LRP12: variants seen among roughly 807,000 people sequenced by gnomAD.
LRP12 encodes LDL receptor related protein 12, also known as low-density lipoprotein receptor-related protein 12.
Under a neutral mutation model 66.0 loss-of-function variants are expected in LRP12, and 14 were observed. That is an observed-to-expected ratio of 0.21 (90% CI 0.14 to 0.33). The LOEUF is 0.33. Among genes scored for constraint, LRP12 ranks in the 10% least tolerant of loss-of-function variants. LRP12 has a pLI of 1.00. For missense variants in LRP12, 889 were observed against 1,053.4 expected, an observed-to-expected ratio of 0.84 and a Z score of 2.16; for synonymous variants, 357 against 359.1, an observed-to-expected ratio of 0.99 and a Z score of 0.07.
At chr8:104,548,528 A>ATAGAAT (rs1368533788) in intron 1 of LRP12, among the ~76,000 whole-genome samples, 1 of 113,862 alleles carries the variant, frequency 8.8e-6, no homozygotes, top group African/African-American at 3.8e-5. Flanking sequence ...TGTATCTAAT[A>ATAGAAT]TATAATTCTA....
intron 2 of LRP12, among the ~76,000 whole-genome samples, chr8:104,520,407 T>C (rs1053266776): frequency 1.3e-5 from 2 of 152,056 alleles, no homozygotes; most frequent in Non-Finnish European, 2.9e-5. Context: ...TGAAGGTTAC[T>C]GTGACTCTGG....
At position 104,548,478 on chromosome 8, in the gene LRP12, AT is replaced by A. The variant is rs549776308; in HGVS notation, c.80-16516del. 4.6e-3 allele frequency among the ~76,000 whole-genome samples: 546 copies of A among 118,050 alleles called. 32 individuals are homozygous for A. Among genetic ancestry groups the A allele is most frequent in the African/African-American group, 0.021 (513 of 24,882 alleles). The allele number at this position is 118,050 out of a possible 152,430, so 77.4% of individuals were successfully genotyped here. On this transcript the variant is annotated intron_variant, in intron 1 of 6. Coordinates refer to ENST00000276654, the MANE Select transcript of LRP12 (RefSeq NM_013437.5). ...TTTTGTATCTAATATATAATTCTAT[AT>A]TATATTTTGTATCTAATATATAATT...
chr8:104,529,971 A>G (rs1811301306), intron 2 of LRP12, among the ~76,000 whole-genome samples: 1 of 152,172 alleles, frequency 6.6e-6, no homozygotes. Flanking sequence ...TGATGTTGCA[A>G]AAGACTGAAT....
intron 1 of LRP12, among the ~76,000 whole-genome samples, chr8:104,557,017 A>C (rs554518929): frequency 1.3e-5 from 2 of 152,174 alleles, no homozygotes; most frequent in Non-Finnish European, 1.5e-5. Flanking sequence ...AAAAATCACA[A>C]TCATCTCAAT....
intron 1 of LRP12, among the ~76,000 whole-genome samples, chr8:104,567,685 A>T (rs1267368441): frequency 6.6e-6 from 1 of 152,238 alleles, no homozygotes; most frequent in Non-Finnish European, 1.5e-5. Context: ...AACAATGATA[A>T]TCTGAAAACT....
chr8:104,496,718 A>G (rs1475909954), intron 5 of LRP12, among the ~76,000 whole-genome samples: 1 of 152,218 alleles, frequency 6.6e-6, no homozygotes. Flanking sequence ...CAATATTCCT[A>G]TAAAACAGAT....
At chr8:104,576,202 A>G (rs1282268439) in intron 1 of LRP12, among the ~76,000 whole-genome samples, 4 of 152,236 alleles carry the variant, frequency 2.6e-5, no homozygotes, top group African/African-American at 7.2e-5. Flanking sequence ...ATATTTCAGG[A>G]TATCATCCAT....
At chr8:104,578,943 G>A (rs1326250315) in intron 1 of LRP12, among the ~76,000 whole-genome samples, 4 of 151,480 alleles carry the variant, frequency 2.6e-5, no homozygotes, top group East Asian at 1.9e-4. Flanking sequence ...AATAAGAGCC[G>A]TCTATGACAA....
chr8:104,527,970 G>T (rs1353902986), intron 2 of LRP12, among the ~76,000 whole-genome samples: 2 of 152,144 alleles, frequency 1.3e-5, no homozygotes, highest in Admixed American at 1.3e-4. Context: ...CCTATCAGGT[G>T]CTTGATACAT....
chr8:104,547,597 A>AT (rs1167176935), intron 1 of LRP12, among the ~76,000 whole-genome samples: 1 of 119,226 alleles, frequency 8.4e-6, no homozygotes, highest in Non-Finnish European at 1.6e-5. Flanking sequence ...TATAATATAT[A>AT]ATAATTATTA....
intron 1 of LRP12, among the ~76,000 whole-genome samples, chr8:104,535,317 A>G (rs922025423): frequency 1.3e-5 from 2 of 151,970 alleles, no homozygotes; most frequent in African/African-American, 2.4e-5. Flanking sequence ...CAACAGTGAT[A>G]TGAAGTTTAA....
intron 5 of LRP12, among the ~76,000 whole-genome samples, chr8:104,496,771 A>G (rs1810733655): frequency 6.6e-6 from 1 of 152,228 alleles, no homozygotes; most frequent in Non-Finnish European, 1.5e-5. Context: ...GCTTTTTCTC[A>G]TAACTCTAAA....
intron 2 of LRP12, among the ~76,000 whole-genome samples, chr8:104,529,807 C>T (rs940286487): frequency 6.6e-6 from 1 of 152,196 alleles, no homozygotes; most frequent in Admixed American, 6.5e-5. Flanking sequence ...TTCCACATTG[C>T]AACTAACCTT....
intron 3 of LRP12, chr8:104,506,240 G>A (rs1810904215): frequency 6.6e-6 from 1 of 151,792 alleles, no homozygotes; most frequent in African/African-American, 2.4e-5. Context: ...ATTATTCTGG[G>A]AAAGAATACA....
At chr8:104,558,343 T>C (rs888700629) in intron 1 of LRP12, among the ~76,000 whole-genome samples, 2 of 152,030 alleles carry the variant, frequency 1.3e-5, no homozygotes, top group Non-Finnish European at 2.9e-5. Context: ...CAAAAACATG[T>C]ATGAAGTGGG....
intron 1 of LRP12, among the ~76,000 whole-genome samples, chr8:104,580,920 C>T (rs1387218481): frequency 3.3e-5 from 5 of 152,204 alleles, no homozygotes; most frequent in African/African-American, 1.2e-4. Context: ...ACCCAGCAAT[C>T]CCATTACTGG....
intron 1 of LRP12, among the ~76,000 whole-genome samples, chr8:104,534,045 C>T (rs1811362426): frequency 7.2e-6 from 1 of 139,038 alleles, no homozygotes; most frequent in African/African-American, 2.7e-5. Flanking sequence ...CCTTATAGGG[C>T]TTAGTGAAAT....
At chr8:104,551,068 A>G (rs1462976639) in intron 1 of LRP12, among the ~76,000 whole-genome samples, 3 of 151,792 alleles carry the variant, frequency 2.0e-5, no homozygotes, top group African/African-American at 7.3e-5. Context: ...AAATTTTGCT[A>G]CTTCTTTTCT....
chr8:104,518,856 G>T (rs1450242301), intron 2 of LRP12, among the ~76,000 whole-genome samples: 4 of 151,964 alleles, frequency 2.6e-5, no homozygotes, highest in African/African-American at 7.2e-5. Flanking sequence ...GGAGGCTGAG[G>T]GAGACATTTC....
Sources: gnomAD v4.1 joint callset for allele counts (sites outside exome capture counted in the v4.1 genomes callset) on GRCh38, gnomAD v4.1.1 for gene constraint, MANE v1.5 for transcripts, NCBI Gene and HGNC (gene_info 2026-07-23, HGNC 2026-07-21) for gene names.